The following CTNNA3 variants were observed in gnomAD, a reference collection of about 807,000 sequenced individuals.
CTNNA3 encodes the protein catenin alpha-3.
In CTNNA3, 76 loss-of-function variants were observed where a neutral mutation model predicts 95.7. The observed-to-expected ratio is 0.79, with a 90% CI of 0.66 to 0.96. The LOEUF is 0.96. CTNNA3 is among the 40% of genes least tolerant of loss of function. CTNNA3 has a pLI of 0.00. For missense variants in CTNNA3, 1,191 were observed against 1,089.8 expected (o/e 1.09, Z -1.31); for synonymous variants, 431 against 374.4 (o/e 1.15, Z -1.74).
intron 9 of CTNNA3, among the ~76,000 whole-genome samples, chr10:66,641,631 A>G (rs947732753): frequency 6.6e-6 from 1 of 152,168 alleles, no homozygotes; most frequent in Non-Finnish European, 1.5e-5. Flanking sequence ...AACATATTTA[A>G]TATGTGCTTA....
At chr10:66,261,543 T>G (rs143884103) in intron 13 of CTNNA3, among the ~76,000 whole-genome samples, 1 of 152,116 alleles carries the variant, frequency 6.6e-6, no homozygotes, top group African/African-American at 2.4e-5. Context: ...TATGAACTTA[T>G]GGTTGAAGGC....
At chr10:67,546,660 T>C (rs1840851620) in intron 3 of CTNNA3, among the ~76,000 whole-genome samples, 1 of 152,204 alleles carries the variant, frequency 6.6e-6, no homozygotes, top group Non-Finnish European at 1.5e-5. Flanking sequence ...CTGCCCATAA[T>C]TATTCTCTAT....
intron 3 of CTNNA3, among the ~76,000 whole-genome samples, chr10:67,579,663 CCCA>C (rs546570224): frequency 1.2e-3 from 182 of 152,316 alleles, no homozygotes; most frequent in African/African-American, 4.3e-3. Context: ...AGTTTACAGT[CCCA>C]CCAACAGTGT....
chr10:66,256,604 C>G (rs1383450428), intron 13 of CTNNA3, among the ~76,000 whole-genome samples: 1 of 151,854 alleles, frequency 6.6e-6, no homozygotes, highest in Non-Finnish European at 1.5e-5. Context: ...GCCTGTAATC[C>G]CAGCTACTCA....
At chr10:67,122,481 A>C (rs1244766687) in intron 7 of CTNNA3, among the ~76,000 whole-genome samples, 1 of 152,126 alleles carries the variant, frequency 6.6e-6, no homozygotes, top group Non-Finnish European at 1.5e-5. Flanking sequence ...AATTTATAAA[A>C]TGGATTATTA....
intron 9 of CTNNA3, among the ~76,000 whole-genome samples, chr10:66,642,279 A>C (rs10997282): frequency 0.17 from 10,275 of 61,276 alleles, 495 homozygotes; most frequent in East Asian, 0.31. Context: ...CACACACACA[A>C]ACACACACAC....
At chr10:66,473,850 AT>A (rs530497083) in intron 11 of CTNNA3, among the ~76,000 whole-genome samples, 8 of 151,880 alleles carry the variant, frequency 5.3e-5, no homozygotes, top group Non-Finnish European at 1.0e-4. Flanking sequence ...TGAACTCATC[AT>A]TTTTTATGGC....
chr10:67,473,422 G>T (rs1459996212), intron 5 of CTNNA3, among the ~76,000 whole-genome samples: 1 of 152,080 alleles, frequency 6.6e-6, no homozygotes, highest in African/African-American at 2.4e-5. Flanking sequence ...CATAACATTT[G>T]TACTAAATAT....
chr10:66,248,937 T>C (rs1427481682), intron 13 of CTNNA3, among the ~76,000 whole-genome samples: 2 of 152,248 alleles, frequency 1.3e-5, no homozygotes, highest in East Asian at 3.9e-4. Context: ...AGCAAGGTGC[T>C]GGCATTAAAA....
intron 11 of CTNNA3, among the ~76,000 whole-genome samples, chr10:66,502,213 C>T (rs1431118400): frequency 1.3e-5 from 2 of 152,026 alleles, no homozygotes; most frequent in African/African-American, 4.8e-5. Context: ...GATTCACAGT[C>T]AAGTGAAAGA....
intron 10 of CTNNA3, among the ~76,000 whole-genome samples, chr10:66,548,638 A>AT (rs1842112716): frequency 1.3e-5 from 2 of 152,038 alleles, no homozygotes; most frequent in African/African-American, 4.8e-5. Flanking sequence ...TTTGTCAGAT[A>AT]TTTTTCTGCA....
intron 3 of CTNNA3, among the ~76,000 whole-genome samples, chr10:67,566,989 G>A (rs1368499484): frequency 7.6e-6 from 1 of 132,238 alleles, no homozygotes; most frequent in Non-Finnish European, 1.5e-5. Context: ...CATGGACACA[G>A]AAAGGGGAAC....
At chr10:65,929,118 A>C (rs2077211168) in intron 17 of CTNNA3, among the ~76,000 whole-genome samples, 2 of 149,196 alleles carry the variant, frequency 1.3e-5, no homozygotes, top group Non-Finnish European at 3.0e-5. Flanking sequence ...GAGTGAGAAC[A>C]TGTGGTGTTT....
In CTNNA3 at chr10:66,363,074, A is replaced by G. The variant is rs114717864; in HGVS notation, c.1732+16078T>C. Among the ~76,000 whole-genome samples, 1,150 of 152,340 alleles carry G rather than the reference A, an allele frequency of 7.5e-3. 12 individuals are homozygous for G. Among genetic ancestry groups the G allele is most frequent in the African/African-American group, 0.025 (1,056 of 41,580 alleles). On this transcript the variant is annotated intron_variant, in intron 12 of 17. Transcript: ENST00000433211. ...TCTTCTACCATTGTATTCCTTAAGC[A>G]TGTGTAATAGCGATACACTTCAACA...
intron 13 of CTNNA3, among the ~76,000 whole-genome samples, chr10:66,143,782 T>A (rs540524426): frequency 6.6e-6 from 1 of 152,296 alleles, no homozygotes; most frequent in African/African-American, 2.4e-5. Flanking sequence ...ACTTATTCCA[T>A]TCCCTTTGCC....
intron 14 of CTNNA3, among the ~76,000 whole-genome samples, chr10:66,076,157 C>A (rs979572838): frequency 1.3e-5 from 2 of 151,506 alleles, no homozygotes; most frequent in African/African-American, 4.8e-5. Context: ...CATGTTCTTA[C>A]CTTCAGCGTG....
chr10:66,741,197 C>G (rs1307736294), intron 9 of CTNNA3, among the ~76,000 whole-genome samples: 2 of 152,132 alleles, frequency 1.3e-5, no homozygotes, highest in Non-Finnish European at 2.9e-5. Flanking sequence ...AGGAAGTCTT[C>G]TGGCACTTGA....
intron 7 of CTNNA3, among the ~76,000 whole-genome samples, chr10:66,982,059 C>T (rs1348647779): frequency 1.3e-5 from 2 of 152,204 alleles, no homozygotes; most frequent in Non-Finnish European, 2.9e-5. Context: ...GGGCTCCATA[C>T]ACATAACATT....
intron 7 of CTNNA3, among the ~76,000 whole-genome samples, chr10:67,140,540 A>T (rs914483128): frequency 6.6e-6 from 1 of 152,218 alleles, no homozygotes; most frequent in Non-Finnish European, 1.5e-5. Flanking sequence ...CTGAACCCAG[A>T]TCTACTAATT....
Sources: allele counts gnomAD v4.1 joint callset (sites outside exome capture counted in the v4.1 genomes callset), GRCh38; gene constraint gnomAD v4.1.1; transcripts MANE v1.5; gene names NCBI Gene and HGNC (gene_info 2026-07-23, HGNC 2026-07-21).